The following AKAP5 variants were observed in gnomAD, a reference collection of about 807,000 sequenced individuals.
AKAP5 encodes A-kinase anchoring protein 5, also known as A-kinase anchor protein 5.
A neutral mutation model predicts 13.8 loss-of-function variants in AKAP5; 5 were observed. The ratio of observed to expected loss-of-function variants is 0.36; its 90% confidence interval spans 0.19 to 0.76. AKAP5 has a LOEUF of 0.76. Ranked by LOEUF, AKAP5 falls within the 30% of genes least tolerant of loss-of-function variation. The pLI is 0.51. For missense variants in AKAP5, 406 were observed against 484.4 expected (o/e 0.84, Z 1.52); for synonymous variants, 148 against 167.2 (o/e 0.89, Z 0.89).
intron 1 of AKAP5, chr14:64,467,763 T>C (rs2078626208): frequency 1.3e-5 from 2 of 152,126 alleles, no homozygotes; most frequent in South Asian, 4.1e-4. Flanking sequence ...AAATTATCTA[T>C]TGAGTGTGAT....
Position 64,469,193 on chromosome 14 carries a change from C to G in AKAP5, c.799C>G (p.Pro267Ala). The G allele has an allele frequency of 6.2e-7, 1 of 1,614,108 alleles. No individual in the cohort carries two copies. Among genetic ancestry groups the G allele is most frequent in the Non-Finnish European group, 8.5e-7 (1 of 1,180,026 alleles). Residue 267 changes from proline to alanine, a missense_variant, in exon 2 of 2, where the codon CCT (proline) becomes GCT (alanine). Transcript: ENST00000394718. ...HQQPVLSDVPPLPAIPDQQIV... is the reference protein window; with the variant it reads ...HQQPVLSDVPALPAIPDQQIV... ...GCAGCCAGTACTTTCTGATGTTCCT[C>G]CTTTACCTGCAATTCCAGATCAACA...
chr14:64,468,924 A>C lies in AKAP5; in HGVS notation c.530A>C (p.Lys177Thr). 6.2e-7 allele frequency: 1 copy of C among 1,614,214 alleles called. No homozygotes were observed. Among genetic ancestry groups the C allele is most frequent in the Middle Eastern group, 1.6e-4 (1 of 6,062 alleles). The change falls in exon 2 of 2, where the codon AAG becomes ACG. Residue 177 changes from lysine to threonine, a missense_variant. Physicochemically the swap from Lys to Thr is moderately conservative, Grantham distance 78 (BLOSUM62 -1). Coordinates refer to ENST00000394718, the MANE Select transcript of AKAP5 (RefSeq NM_004857.3). ...TPLNDQATKA[K>T]STQDLSEGIS... is the part of the protein sequence containing the mutation. ...TTGAATGATCAGGCAACAAAGGCTA[A>C]GTCAACCCAGGATCTAAGTGAAGGC...
rs2078672616 is a variant in AKAP5, at chr14:64,471,609, C to A, written c.*1931C>A. 6.0e-6 allele frequency: 1 copy of A among 167,000 alleles called. No homozygotes were observed. The highest frequency in any genetic ancestry group is 1.9e-4 in the East Asian group (1 of 5,200). The allele number at this position is 167,000 out of a possible 1,614,324, so 10.3% of individuals were successfully genotyped here. A position where few individuals can be genotyped will look rare whatever the true frequency, so the allele number is the denominator to read the frequency against. On this transcript the variant is annotated 3_prime_UTR_variant, in exon 2 of 2. Coordinates refer to ENST00000394718, the MANE Select transcript of AKAP5 (RefSeq NM_004857.3). ...TTCAATCTTTCCTTGTGTGAAATGG[C>A]CATAATACCAGAGTGCACTTCCCTA...
At position 64,469,736 on chromosome 14, in the gene AKAP5, T is replaced by G. The variant is rs1027513119; in HGVS notation, c.*58T>G. 8.1e-7 allele frequency: 1 copy of G among 1,242,212 alleles called. No homozygotes were observed. The highest frequency in any genetic ancestry group is 1.1e-6 in the Non-Finnish European group (1 of 897,980). The allele number at this position is 1,242,212 out of a possible 1,614,324, so 76.9% of individuals were successfully genotyped here. On this transcript the variant is annotated 3_prime_UTR_variant, in exon 2 of 2. Coordinates refer to ENST00000394718, the MANE Select transcript of AKAP5 (RefSeq NM_004857.3). ...GCTTAATGAAGAATTCTTTTATACA[T>G]TTGTGGCATTTCTTACTCAGTAACA...
In AKAP5 at chr14:64,470,589, CA is replaced by C. The variant is rs35363924; in HGVS notation, c.*932del. The C allele has an allele frequency of 0.068, 3,426 of 50,208 alleles. 100 individuals carry two copies. Among genetic ancestry groups the C allele is most frequent in the African/African-American group, 0.19 (3,116 of 16,432 alleles). 3.1% of individuals were successfully genotyped at this position (50,208 alleles called of 1,614,324 possible). On this transcript the variant is annotated 3_prime_UTR_variant, in exon 2 of 2. Coordinates refer to ENST00000394718, the MANE Select transcript of AKAP5 (RefSeq NM_004857.3). ...TGGGCAACAGAGCGAGACTCCTTCTCAAAAAAAAAAAAAAAAAAAAAGAGAA... is the reference window on the plus strand; with the variant it reads ...TGGGCAACAGAGCGAGACTCCTTCTCAAAAAAAAAAAAAAAAAAAAGAGAA...
Position 64,468,717 on chromosome 14 carries a change from C to T in AKAP5, c.323C>T (p.Ala108Val). 6.2e-7 allele frequency: 1 copy of T among 1,614,104 alleles called. No homozygotes were observed. Among genetic ancestry groups the T allele is most frequent in the Non-Finnish European group, 8.5e-7 (1 of 1,180,018 alleles). The change falls in exon 2 of 2, where the codon GCA (alanine) becomes GTA (valine). Residue 108 changes from alanine (A) to valine (V), a missense_variant. By Grantham distance (64) the Ala-to-Val change is moderately conservative (BLOSUM62 0). Coordinates refer to ENST00000394718, the MANE Select transcript of AKAP5 (RefSeq NM_004857.3). Reference sequence around the variant, plus strand: ...CCATTGGAGGGTGAAATGCAACCTGCAATAAATGCTGAGGATGCTGATCTT... The same window carrying T: ...CCATTGGAGGGTGAAATGCAACCTGTAATAAATGCTGAGGATGCTGATCTT... ...QKPLEGEMQP[A>V]INAEDADLSK...
At position 64,473,129 on chromosome 14, in the gene AKAP5, C is replaced by G. The variant is rs1596594187; in HGVS notation, c.*3451C>G. The G allele has an allele frequency of 6.0e-6, 1 of 166,970 alleles. No homozygotes were observed. Among genetic ancestry groups the G allele is most frequent in the East Asian group, 1.9e-4 (1 of 5,198 alleles). 10.3% of individuals were successfully genotyped at this position (166,970 alleles called of 1,614,324 possible). On this transcript the variant is annotated 3_prime_UTR_variant, in exon 2 of 2. Coordinates refer to ENST00000394718, the MANE Select transcript of AKAP5 (RefSeq NM_004857.3). ...ACAACCCAGAGAATGTGAAAATTCTCCTCTATTTTATGTAGCACTATTCAC... is the reference window on the plus strand; with the variant it reads ...ACAACCCAGAGAATGTGAAAATTCTGCTCTATTTTATGTAGCACTATTCAC...
chr14:64,469,216 A>T lies in AKAP5; in HGVS notation c.822A>T (p.Gln274His). The T allele has an allele frequency of 1.2e-6, 2 of 1,614,110 alleles. No individual in the cohort carries two copies. Among genetic ancestry groups the T allele is most frequent in the Non-Finnish European group, 1.7e-6 (2 of 1,180,038 alleles). The change falls in exon 2 of 2, where the codon CAA (glutamine) becomes CAT (histidine). Residue 274 changes from glutamine (Q) to histidine (H), a missense_variant. Gln to His is a conservative substitution (Grantham distance 24). Coordinates refer to ENST00000394718, the MANE Select transcript of AKAP5 (RefSeq NM_004857.3). ...CTCCTTTACCTGCAATTCCAGATCAACAAATTGTGGAAGAAGCCAGTAACA... is the reference window on the plus strand; with the variant it reads ...CTCCTTTACCTGCAATTCCAGATCATCAAATTGTGGAAGAAGCCAGTAACA... ...DVPPLPAIPD[Q>H]QIVEEASNST...
At position 64,473,251 on chromosome 14, in the gene AKAP5, T is replaced by G. The variant is rs1398821951; in HGVS notation, c.*3573T>G. The G allele has an allele frequency of 6.0e-6, 1 of 167,002 alleles. No homozygotes were observed. Among genetic ancestry groups the G allele is most frequent in the East Asian group, 1.9e-4 (1 of 5,208 alleles). The allele number at this position is 167,002 out of a possible 1,614,324, so 10.3% of individuals were successfully genotyped here. Reference sequence around the variant, plus strand: ...AAACAAAAGAACTTTCAAACAGAAATTATGTTCCCTGCCACCTCCTCCACC... The same window carrying G: ...AAACAAAAGAACTTTCAAACAGAAAGTATGTTCCCTGCCACCTCCTCCACC... On this transcript the variant is annotated 3_prime_UTR_variant, in exon 2 of 2. Transcript: ENST00000394718.
chr14:64,466,268 AG>A (rs1439665657), intron 1 of AKAP5, among the ~76,000 whole-genome samples: 3 of 152,244 alleles, frequency 2.0e-5, no homozygotes, highest in Non-Finnish European at 4.4e-5. Flanking sequence ...CATTCTGCAA[AG>A]TTTTATTGTC....
At position 64,474,045 on chromosome 14, in the gene AKAP5, A is replaced by C. The variant is rs1294956321; in HGVS notation, c.*4367A>C. The C allele has an allele frequency of 6.0e-6, 1 of 167,080 alleles. No individual in the cohort carries two copies. Among genetic ancestry groups the C allele is most frequent in the Non-Finnish European group, 1.5e-5 (1 of 68,122 alleles). 10.3% of individuals were successfully genotyped at this position (167,080 alleles called of 1,614,324 possible). A position where few individuals can be genotyped will look rare whatever the true frequency, so the allele number is the denominator to read the frequency against. On this transcript the variant is annotated 3_prime_UTR_variant, in exon 2 of 2. Transcript: ENST00000394718. ...CATACCTAACACTATTTGATAAGGG[A>C]GACAGGCTCCCTGCCATCCAAGAAC...
Position 64,473,266 on chromosome 14 carries a change from C to T in AKAP5, c.*3588C>T, listed in dbSNP as rs977475597. The T allele has an allele frequency of 1.8e-5, 3 of 167,022 alleles. No individual in the cohort carries two copies. The highest frequency in any genetic ancestry group is 7.2e-5 in the African/African-American group (3 of 41,428). The allele number at this position is 167,022 out of a possible 1,614,324, so 10.3% of individuals were successfully genotyped here. On this transcript the variant is annotated 3_prime_UTR_variant, in exon 2 of 2. Transcript: ENST00000394718. ...CAAACAGAAATTATGTTCCCTGCCA[C>T]CTCCTCCACCTCAAAGAATAATAAG...
chr14:64,473,977 TAATTA>T lies in AKAP5; in HGVS notation c.*4304_*4308del. Reference sequence around the variant, plus strand: ...GAAGCTACATAAAATTCAGGTGTCCTAATTAAATTCAATTTGATTCAACACACGTA... The same window carrying T: ...GAAGCTACATAAAATTCAGGTGTCCTAATTCAATTTGATTCAACACACGTA... On this transcript the variant is annotated 3_prime_UTR_variant, in exon 2 of 2. Transcript: ENST00000394718. 1 of 167,068 alleles carries T rather than the reference TAATTA, an allele frequency of 6.0e-6. No individual in the cohort carries two copies. The highest frequency in any genetic ancestry group is 1.9e-4 in the East Asian group (1 of 5,196). 10.3% of individuals were successfully genotyped at this position (167,068 alleles called of 1,614,324 possible).
Position 64,469,305 on chromosome 14 carries a change from C to G in AKAP5, c.911C>G (p.Thr304Ser). ...YESTEIVAEE[T>S]KPKDTELSQE... ...AGTACAGAGATTGTAGCTGAAGAAA[C>G]TAAGCCAAAAGATACTGAATTGAGC... The change falls in exon 2 of 2, where the codon ACT becomes AGT. Residue 304 changes from threonine (T) to serine (S), a missense_variant. By Grantham distance (58) the Thr-to-Ser change is moderately conservative. Transcript: ENST00000394718. 1 of 1,613,118 alleles carries G rather than the reference C, an allele frequency of 6.2e-7. No homozygotes were observed. The highest frequency in any genetic ancestry group is 8.5e-7 in the Non-Finnish European group (1 of 1,179,848).
intron 1 of AKAP5, chr14:64,467,870 C>G (rs978026863): frequency 2.6e-5 from 4 of 152,124 alleles, no homozygotes; most frequent in Admixed American, 6.5e-5. Flanking sequence ...TTCACACAGA[C>G]AACACAACTA....
In AKAP5 at chr14:64,471,154, CTTT is replaced by C. The variant is rs377652418; in HGVS notation, c.*1490_*1492del. The C allele has an allele frequency of 0.014, 1,917 of 137,250 alleles. 31 individuals are homozygous for C. The highest frequency in any genetic ancestry group is 0.05 in the African/African-American group (1,808 of 36,390). 8.5% of individuals were successfully genotyped at this position (137,250 alleles called of 1,614,324 possible). On this transcript the variant is annotated 3_prime_UTR_variant, in exon 2 of 2. Transcript: ENST00000394718. ...AACTTTTTCATCACTATTTTCTTTT[CTTT>C]TTTTTTTTTTTTTGAGATGGAGTCT... is the stretch of plus-strand genomic sequence containing the variant.
rs905788795 is a variant in AKAP5, at chr14:64,473,672, T to C, written c.*3994T>C. 3.0e-5 allele frequency: 5 copies of C among 167,086 alleles called. No homozygotes were observed. The highest frequency in any genetic ancestry group is 1.2e-4 in the African/African-American group (5 of 41,470). 10.4% of individuals were successfully genotyped at this position (167,086 alleles called of 1,614,324 possible). A position where few individuals can be genotyped will look rare whatever the true frequency, so the allele number is the denominator to read the frequency against. Reference sequence around the variant, plus strand: ...TTGTTAGGCTTTAGAATCCCACTGTTTGAAAAGATCCTTTTAATGTCAACT... The same window carrying C: ...TTGTTAGGCTTTAGAATCCCACTGTCTGAAAAGATCCTTTTAATGTCAACT... On this transcript the variant is annotated 3_prime_UTR_variant, in exon 2 of 2. Coordinates refer to ENST00000394718, the MANE Select transcript of AKAP5 (RefSeq NM_004857.3).
rs1404337811 is a variant in AKAP5, at chr14:64,469,257, C to T, written c.863C>T (p.Ala288Val). 1.2e-6 allele frequency: 2 copies of T among 1,613,648 alleles called. No individual in the cohort carries two copies. Among genetic ancestry groups the T allele is most frequent in the East Asian group, 2.2e-5 (1 of 44,870 alleles). ...EEASNSTLES[A>V]PNGKDYESTE... ...GCCAGTAACAGTACCCTAGAAAGTG[C>T]ACCAAATGGAAAAGACTATGAAAGT... Residue 288 changes from alanine (A) to valine (V), a missense_variant, in exon 2 of 2, where the codon GCA (alanine) becomes GTA (valine). Ala to Val is a moderately conservative substitution (Grantham distance 64, BLOSUM62 0). Transcript: ENST00000394718.
rs1451209977 is a variant in AKAP5, at chr14:64,469,213, TCAA to T, written c.823_825del (p.Gln275del). ...TTCCTCCTTTACCTGCAATTCCAGA[TCAA>T]CAAATTGTGGAAGAAGCCAGTAACA... On this transcript the variant is annotated inframe_deletion, in exon 2 of 2. Coordinates refer to ENST00000394718, the MANE Select transcript of AKAP5 (RefSeq NM_004857.3). 6.2e-7 allele frequency: 1 copy of T among 1,614,040 alleles called. No homozygotes were observed. The highest frequency in any genetic ancestry group is 1.1e-5 in the South Asian group (1 of 91,084).
Sources: allele counts gnomAD v4.1 joint callset (sites outside exome capture counted in the v4.1 genomes callset), GRCh38; gene constraint gnomAD v4.1.1; transcripts MANE v1.5; gene names NCBI Gene and HGNC (gene_info 2026-07-23, HGNC 2026-07-21).